The following DHX15 variants were observed in gnomAD, a reference collection of about 807,000 sequenced individuals.
DHX15 encodes ATP-dependent RNA helicase DHX15.
DHX15 carries 11 observed loss-of-function variants against 94.4 expected under a neutral mutation model. The ratio of observed to expected loss-of-function variants is 0.12; its 90% CI spans 0.07 to 0.19. The LOEUF is 0.19. DHX15 is among the 10% of genes least tolerant of loss of function. The pLI is 1.00. For missense variants in DHX15, 304 were observed against 988.5 expected (o/e 0.31, Z 9.29); for synonymous variants, 338 against 329.9 (o/e 1.02, Z -0.27).
chr4:24,576,143 C>A, intron 2 of DHX15, 100 bp downstream of exon 2: 1 of 923,700 alleles, frequency 1.1e-6, no homozygotes, highest in African/African-American at 1.7e-5. Flanking sequence ...TCAAGATGTT[C>A]TATAGGACAG....
intron 11 of DHX15, chr4:24,534,061 T>A (rs1721144654): frequency 6.6e-6 from 1 of 152,200 alleles, no homozygotes; most frequent in Non-Finnish European, 1.5e-5. Context: ...ATTTCAGAAA[T>A]TAAGGATGGG....
rs762155635 is a variant in DHX15, at chr4:24,548,864, A to G, written c.1239T>C (p.Ile413=). Residue 413 remains isoleucine, a synonymous_variant, in exon 6 of 14, where the codon ATT becomes ATC. Coordinates refer to ENST00000336812, the MANE Select transcript of DHX15 (RefSeq NM_001358.3). ...PPPPKKQNGA[I]GRKVVVSTNI... is the part of the protein sequence containing the mutation. Reference sequence around the variant, plus strand: ...GCATTTCTAATGTTACCTTTCTTCCAATTGCTCCATTCTGTTTTTTGGGAG... The same window carrying G: ...GCATTTCTAATGTTACCTTTCTTCCGATTGCTCCATTCTGTTTTTTGGGAG... The G allele has an allele frequency of 1.2e-6, 2 of 1,611,644 alleles. No homozygotes were observed. Among genetic ancestry groups the G allele is most frequent in the Non-Finnish European group, 1.7e-6 (2 of 1,179,084 alleles).
intron 12 of DHX15, chr4:24,529,989 GTTTA>G (rs1006365320): frequency 3.1e-5 from 17 of 556,108 alleles, no homozygotes; most frequent in African/African-American, 2.5e-4. Context: ...ATCCAAAATG[GTTTA>G]TTTATCTTTA....
chr4:24,562,474 T>G (rs1245688116), intron 3 of DHX15, among the ~76,000 whole-genome samples: 1 of 152,214 alleles, frequency 6.6e-6, no homozygotes, highest in South Asian at 2.1e-4. Context: ...TTGTCTGATC[T>G]TGGACAATTT....
In DHX15 at chr4:24,554,605, A is replaced by G. The variant is rs1721687044; in HGVS notation, c.1080+120T>C. The G allele has an allele frequency of 4.1e-6, 3 of 731,478 alleles. No individual in the cohort carries two copies. In the South Asian group the frequency reaches 5.4e-5, roughly 13 times the overall value. The allele number at this position is 731,478 out of a possible 1,614,324, so 45.3% of individuals were successfully genotyped here. ...GGGGTTATATATTTTACATATTAATACAATCAGGTTGAAGAACATTGAAAT... is the reference window on the plus strand; with the variant it reads ...GGGGTTATATATTTTACATATTAATGCAATCAGGTTGAAGAACATTGAAAT... On this transcript the variant is annotated intron_variant, in intron 5 of 13. Coordinates refer to ENST00000336812, the MANE Select transcript of DHX15 (RefSeq NM_001358.3).
chr4:24,556,472 T>G, intron 3 of DHX15, 62 bp from the exon 4 acceptor site: 1 of 1,365,510 alleles, frequency 7.3e-7, no homozygotes, highest in Non-Finnish European at 1.0e-6. Flanking sequence ...CCAAACTTCG[T>G]GACAAAAATG....
intron 1 of DHX15, among the ~76,000 whole-genome samples, chr4:24,579,927 A>G (rs1383452680): frequency 2.6e-5 from 4 of 151,960 alleles, no homozygotes; most frequent in African/African-American, 9.7e-5. Flanking sequence ...TGCCACACCC[A>G]GTTAATTTTT....
chr4:24,573,226 T>C lies in DHX15; in HGVS notation c.508-2379A>G, dbSNP rs541375560. 4.6e-5 allele frequency among the ~76,000 whole-genome samples: 7 copies of C among 152,276 alleles called. No homozygotes were observed. In the East Asian group the frequency reaches 1.4e-3, roughly 29 times the overall value. On this transcript the variant is annotated intron_variant, in intron 2 of 13. Transcript: ENST00000336812. Reference sequence around the variant, plus strand: ...GTACCCAGCCAGGTCTAAGTTATTCTAAAGCCATTCCTCCTTTTCAGCTCT... The same window carrying C: ...GTACCCAGCCAGGTCTAAGTTATTCCAAAGCCATTCCTCCTTTTCAGCTCT...
At chr4:24,530,855 A>G (rs574221936) in intron 12 of DHX15, 2 of 152,282 alleles carry the variant, frequency 1.3e-5, no homozygotes, top group East Asian at 3.9e-4. Context: ...ATATTTACTA[A>G]ACACCTATTA....
At chr4:24,569,058 G>A (rs1020166813) in intron 3 of DHX15, among the ~76,000 whole-genome samples, 5 of 152,092 alleles carry the variant, frequency 3.3e-5, no homozygotes, top group African/African-American at 1.2e-4. Flanking sequence ...AGAAAAAACT[G>A]ACACAAATGT....
intron 1 of DHX15, 167 bp downstream of exon 1, chr4:24,584,156 G>T: frequency 1.4e-6 from 1 of 700,018 alleles, no homozygotes; most frequent in Non-Finnish European, 2.3e-6. Flanking sequence ...GCCCTTGCCG[G>T]GCCGAACGGG....
At chr4:24,559,044 G>A (rs1430575009) in intron 3 of DHX15, among the ~76,000 whole-genome samples, 1 of 152,120 alleles carries the variant, frequency 6.6e-6, no homozygotes, top group East Asian at 1.9e-4. Flanking sequence ...TAGGGTCTTT[G>A]CAGAAGTAAT....
rs138185565 is a variant in DHX15 at position 24,572,492 on chromosome 4, T to G, written c.508-1645A>C. Among the ~76,000 whole-genome samples the G allele has an allele frequency of 2.2e-3, 329 of 152,238 alleles. 3 individuals carry two copies. Among genetic ancestry groups the G allele is most frequent in the African/African-American group, 7.7e-3 (318 of 41,554 alleles). On this transcript the variant is annotated intron_variant, in intron 2 of 13. Coordinates refer to ENST00000336812, the MANE Select transcript of DHX15 (RefSeq NM_001358.3). ...TAAAATCAACAGCTTACCTCCACTT[T>G]AAAAACAAGACCAACAAGTCAATTA...
intron 3 of DHX15, among the ~76,000 whole-genome samples, chr4:24,557,979 C>CAAA (rs58623833): frequency 1.6e-5 from 2 of 127,534 alleles, no homozygotes; most frequent in African/African-American, 3.1e-5. Flanking sequence ...ATTTGCAAGG[C>CAAA]AAAAAAAAAA....
rs766014842 is a variant in DHX15, at chr4:24,532,972, T to C, written c.1992A>G (p.Leu664=). Residue 664 remains leucine, a synonymous_variant, in exon 12 of 14, where the codon CTA becomes CTG. Coordinates refer to ENST00000336812, the MANE Select transcript of DHX15 (RefSeq NM_001358.3). ...LMSADNVRQQ[L]SRIMDRFNLP... ...AATTAAATCTGTCCATAATTCGAGA[T>C]AGCTGCTGGCGTACATTGTCTGCGG... The C allele has an allele frequency of 5.3e-5, 86 of 1,613,978 alleles. No homozygotes were observed. The East Asian group carries it at 1.8e-3, about 34-fold the overall frequency.
At chr4:24,529,516 T>A in intron 13 of DHX15, 85 bp downstream of exon 13, 1 of 1,182,270 alleles carries the variant, frequency 8.5e-7, no homozygotes, top group Non-Finnish European at 1.2e-6. Context: ...AATGAGTGAA[T>A]GCAAGGCCAT....
At chr4:24,551,894 T>C (rs1721615470) in intron 5 of DHX15, among the ~76,000 whole-genome samples, 1 of 152,218 alleles carries the variant, frequency 6.6e-6, no homozygotes, top group African/African-American at 2.4e-5. Flanking sequence ...TCCAGTATTT[T>C]AAAATGACAA....
intron 5 of DHX15, 67 bp downstream of exon 5, chr4:24,554,658 A>C: frequency 8.6e-7 from 1 of 1,167,488 alleles, no homozygotes; most frequent in Non-Finnish European, 1.2e-6. Context: ...TGTTCTTATG[A>C]TTAAGGTTGC....
intron 5 of DHX15, 46 bp downstream of exon 5, chr4:24,554,679 A>G: frequency 1.4e-6 from 2 of 1,448,740 alleles, no homozygotes; most frequent in Non-Finnish European, 1.9e-6. Flanking sequence ...TGCATATTAG[A>G]AACAGTATGT....
Sources: allele counts gnomAD v4.1 joint callset (sites outside exome capture counted in the v4.1 genomes callset), GRCh38; gene constraint gnomAD v4.1.1; transcripts MANE v1.5; gene names NCBI Gene and HGNC (gene_info 2026-07-23, HGNC 2026-07-21).